Variants in ZC4H2 observed in about 807,000 individuals in gnomAD.
ZC4H2 encodes the protein zinc finger C4H2-type containing, also known as zinc finger C4H2 domain-containing protein.
For synonymous variants in ZC4H2, 84 were observed against 66.3 expected (o/e 1.27, Z -1.30); for missense variants, 137 against 173.9 (o/e 0.79, Z 1.19).
At chrX:64,919,979 A>G in intron 3 of ZC4H2, 102 bp downstream of exon 3, 1 of 902,861 alleles carries the variant, frequency 1.1e-6, no homozygotes, top group Non-Finnish European at 1.5e-6. Context: ...CTTTCAGGCT[A>G]GGCTTTGTGT....
At chrX:65,005,906 C>T (rs932108473) in intron 1 of ZC4H2, among the ~76,000 whole-genome samples, 7 of 109,280 alleles carry the variant, frequency 6.4e-5, no homozygotes, top group Non-Finnish European at 1.3e-4. Flanking sequence ...AGGAGATGAA[C>T]AGAAACTTCT....
At chrX:64,924,554 C>T (rs777951251) in intron 1 of ZC4H2, among the ~76,000 whole-genome samples, 24 of 110,941 alleles carry the variant, frequency 2.2e-4, no homozygotes, top group Non-Finnish European at 4.2e-4. Flanking sequence ...AAGGATACAA[C>T]AAAGGGACCT....
At chrX:65,019,482 T>G (rs1282757983) in intron 1 of ZC4H2, among the ~76,000 whole-genome samples, 1 of 111,809 alleles carries the variant, frequency 8.9e-6, no homozygotes, top group Non-Finnish European at 1.9e-5. Context: ...CCAAAAGGAA[T>G]AGCATCAACA....
intron 1 of ZC4H2, among the ~76,000 whole-genome samples, chrX:65,027,356 T>G (rs963882160): frequency 9.0e-6 from 1 of 111,438 alleles, no homozygotes; most frequent in Non-Finnish European, 1.9e-5. Flanking sequence ...CAAGAGGCAG[T>G]GCAGAAGATG....
At chrX:64,954,195 G>T (rs1309386405) in intron 1 of ZC4H2, among the ~76,000 whole-genome samples, 2 of 102,983 alleles carry the variant, frequency 1.9e-5, no homozygotes, top group Non-Finnish European at 3.9e-5. Context: ...GGGAGATATA[G>T]CATTAGGAGA....
intron 1 of ZC4H2, among the ~76,000 whole-genome samples, chrX:64,927,913 AC>A (rs1225491165): frequency 8.9e-6 from 1 of 112,435 alleles, no homozygotes; most frequent in African/African-American, 3.2e-5. Context: ...TTTGACGGCC[AC>A]TTAAGTGTCT....
chrX:65,014,750 A>G (rs968402274), intron 1 of ZC4H2, among the ~76,000 whole-genome samples: 14 of 112,253 alleles, frequency 1.2e-4, no homozygotes, highest in African/African-American at 4.5e-4. Context: ...GTTATTCAGT[A>G]AATGTTAGTT....
chrX:64,949,639 A>C (rs1027095956), intron 1 of ZC4H2, among the ~76,000 whole-genome samples: 3 of 111,409 alleles, frequency 2.7e-5, no homozygotes, highest in Non-Finnish European at 3.8e-5. Flanking sequence ...ATATTAATAT[A>C]TGTTCCTAGT....
chrX:64,945,882 G>A (rs984893471), intron 1 of ZC4H2, among the ~76,000 whole-genome samples: 1 of 110,911 alleles, frequency 9.0e-6, no homozygotes, highest in Non-Finnish European at 1.9e-5. Flanking sequence ...TACACTGTGT[G>A]GGGAAAACCA....
In ZC4H2 at chrX:65,022,265, G is replaced by A. The variant is rs563203271; in HGVS notation, c.-272+12364C>T. Among the ~76,000 whole-genome samples the A allele has an allele frequency of 1.4e-3, 152 of 111,570 alleles. 1 individual carries two copies. The highest frequency in any genetic ancestry group is 4.6e-3 in the Middle Eastern group (1 of 219). The stretch of plus-strand genomic sequence containing the variant: ...CAATATCCCTGATGAACATCAATGC[G>A]AAAATCCTCAATAAGATACTGGCAA... On this transcript the variant is annotated intron_variant, in intron 1 of 4. Coordinates refer to the ZC4H2 transcript ENST00000337990.
chrX:64,935,744 GA>G (rs1929976668), intron 1 of ZC4H2, among the ~76,000 whole-genome samples: 1 of 111,979 alleles, frequency 8.9e-6, no homozygotes, highest in Non-Finnish European at 1.9e-5. Flanking sequence ...CCGACTGTTA[GA>G]AGGAAAACTA....
intron 1 of ZC4H2, among the ~76,000 whole-genome samples, chrX:65,014,609 T>C (rs926988488): frequency 6.3e-5 from 7 of 111,973 alleles, no homozygotes; most frequent in African/African-American, 1.9e-4. Context: ...TTTTTGGCTG[T>C]AATCTGTGGG....
intron 1 of ZC4H2, among the ~76,000 whole-genome samples, chrX:64,934,329 A>G (rs942719703): frequency 4.4e-5 from 5 of 112,534 alleles, no homozygotes; most frequent in Non-Finnish European, 7.5e-5. Context: ...GTTAAATTAC[A>G]AATTCAATTT....
chrX:64,946,390 C>A (rs1383333792), intron 1 of ZC4H2, among the ~76,000 whole-genome samples: 1 of 111,059 alleles, frequency 9.0e-6, no homozygotes, highest in Non-Finnish European at 1.9e-5. Context: ...TAAGGTGACA[C>A]CCCACCCTGA....
chrX:64,947,257 G>A (rs1215562156), intron 1 of ZC4H2, among the ~76,000 whole-genome samples: 1 of 111,808 alleles, frequency 8.9e-6, no homozygotes, highest in Admixed American at 9.6e-5. Flanking sequence ...CCCAGGAAAT[G>A]GTCTATCTAT....
At chrX:64,983,478 G>T (rs1932121505) in intron 1 of ZC4H2, among the ~76,000 whole-genome samples, 1 of 111,172 alleles carries the variant, frequency 9.0e-6, no homozygotes, top group South Asian at 3.8e-4. Context: ...ATCTACTTGG[G>T]AATGAAAATA....
At chrX:65,010,007 G>A (rs1165422890) in intron 1 of ZC4H2, among the ~76,000 whole-genome samples, 2 of 111,969 alleles carry the variant, frequency 1.8e-5, no homozygotes, top group Admixed American at 1.9e-4. Context: ...GAAGACAAAG[G>A]AACATATTGA....
intron 1 of ZC4H2, among the ~76,000 whole-genome samples, chrX:64,955,866 G>A (rs1434826515): frequency 9.0e-6 from 1 of 111,665 alleles, no homozygotes; most frequent in East Asian, 2.8e-4. Flanking sequence ...AAGCTTTAAC[G>A]GTACACACGT....
chrX:65,024,131 G>A (rs935805836), intron 1 of ZC4H2, among the ~76,000 whole-genome samples: 5 of 110,328 alleles, frequency 4.5e-5, no homozygotes, highest in Non-Finnish European at 1.9e-5. Flanking sequence ...CTAGGGGAGG[G>A]ATAGCATTAG....
Sources: gnomAD v4.1 joint callset for allele counts (sites outside exome capture counted in the v4.1 genomes callset) on GRCh38, gnomAD v4.1.1 for gene constraint, MANE v1.5 for transcripts, NCBI Gene and HGNC (gene_info 2026-07-23, HGNC 2026-07-21) for gene names.